The following EP300 variants were observed in gnomAD, a reference collection of about 807,000 sequenced individuals.
EP300 encodes the protein EP300 lysine acetyltransferase.
In EP300, 31 loss-of-function variants were observed where a neutral mutation model predicts 264.0. That is an observed-to-expected ratio of 0.12 (90% CI 0.09 to 0.16). The LOEUF is 0.16. EP300 is among the 10% of genes least tolerant of loss of function. The pLI is 1.00. For missense variants in EP300, 2,766 were observed against 3,052.9 expected (o/e 0.91, Z 2.21); for synonymous variants, 1,340 against 1,045.4 (o/e 1.28, Z -5.44).
At chr22:41,108,175 T>C (rs2058768436) in intron 1 of EP300, 1 of 152,138 alleles carries the variant, frequency 6.6e-6, no homozygotes, top group South Asian at 2.1e-4. Context: ...GTTGTTTAAA[T>C]TGTTAAATTT....
intron 1 of EP300, among the ~76,000 whole-genome samples, chr22:41,110,959 CTTT>C (rs57411594): frequency 2.2e-5 from 3 of 139,238 alleles, no homozygotes; most frequent in Non-Finnish European, 1.6e-5. Context: ...TGTTATAAAT[CTTT>C]TTTTTTTTTT....
intron 20 of EP300, among the ~76,000 whole-genome samples, chr22:41,161,342 G>A (rs913605469): frequency 6.6e-6 from 1 of 152,224 alleles, no homozygotes; most frequent in Non-Finnish European, 1.5e-5. Context: ...CTCTGGCCAG[G>A]CGTGGTGGCT....
rs759784538 is a variant in EP300, at chr22:41,131,465, A to G, written c.1360A>G (p.Ser454Gly). 2 of 1,614,118 alleles carry G rather than the reference A, an allele frequency of 1.2e-6. No individual in the cohort carries two copies. Among genetic ancestry groups the G allele is most frequent in the Non-Finnish European group, 1.7e-6 (2 of 1,180,012 alleles). Residue 454 changes from serine (S) to glycine (G), a missense_variant, in exon 6 of 31, where the codon AGC becomes GGC. Coordinates refer to ENST00000263253, the MANE Select transcript of EP300 (RefSeq NM_001429.4). ...GGGTCAACAGTCTGCCCCCAACCTA[A>G]GCACTGTTAGTCAGATTGATCCCAG... Reference protein sequence around the residue: ...GVGQQSAPNLSTVSQIDPSSI... With the variant: ...GVGQQSAPNLGTVSQIDPSSI...
In EP300 at chr22:41,158,676, A is replaced by G. The variant is rs182398748; in HGVS notation, c.3590+176A>G. The G allele has an allele frequency of 3.5e-4, 216 of 617,100 alleles. No individual in the cohort carries two copies. In the African/African-American group the frequency reaches 3.6e-3, roughly 10 times the overall value. The allele number at this position is 617,100 out of a possible 1,614,324, so 38.2% of individuals were successfully genotyped here. On this transcript the variant is annotated intron_variant, in intron 19 of 30. Coordinates refer to ENST00000263253, the MANE Select transcript of EP300 (RefSeq NM_001429.4). ...TGTTTGCAGAACAATAAAATTTTCT[A>G]TCAGAGTAGCCTTGCATCAGTTACC... is the stretch of plus-strand genomic sequence containing the variant.
intron 10 of EP300, among the ~76,000 whole-genome samples, chr22:41,141,507 A>G (rs1370692875): frequency 6.6e-6 from 1 of 152,202 alleles, no homozygotes; most frequent in Non-Finnish European, 1.5e-5. Context: ...AATAGCCTAC[A>G]TACAGATGTT....
chr22:41,160,180 A>AT (rs749441628), intron 19 of EP300: 3 of 180,234 alleles, frequency 1.7e-5, no homozygotes, highest in African/African-American at 2.4e-5. Context: ...AATTGCTGAA[A>AT]TGAAAGGATA....
chr22:41,158,019 T>C (rs2059087123), intron 18 of EP300, among the ~76,000 whole-genome samples: 1 of 152,262 alleles, frequency 6.6e-6, no homozygotes. Context: ...ATGTGCTGGC[T>C]TTCCTGTACA....
At chr22:41,148,914 A>G in intron 12 of EP300, 124 bp from the exon 13 acceptor site, 2 of 1,308,312 alleles carry the variant, frequency 1.5e-6, no homozygotes, top group Admixed American at 2.0e-5. Flanking sequence ...CTCTTCACCT[A>G]TACTCCTGTC....
intron 2 of EP300, among the ~76,000 whole-genome samples, chr22:41,120,104 T>C (rs1427362913): frequency 6.6e-6 from 1 of 152,226 alleles, no homozygotes; most frequent in Non-Finnish European, 1.5e-5. Context: ...AGGCCTATTT[T>C]CTTATTTTAA....
At chr22:41,172,428 A>G (rs1041060621) in intron 27 of EP300, 71 bp from the exon 28 acceptor site, 4 of 1,343,044 alleles carry the variant, frequency 3.0e-6, no homozygotes, top group African/African-American at 1.4e-5. Context: ...CTTGTCAGCC[A>G]TGATTATTCT....
chr22:41,176,536 C>A lies in EP300; in HGVS notation c.5061+8C>A, dbSNP rs769948177. 2 of 1,613,538 alleles carry A rather than the reference C, an allele frequency of 1.2e-6. No homozygotes were observed. The highest frequency in any genetic ancestry group is 1.7e-6 in the Non-Finnish European group (2 of 1,179,972). ...CACTGTACTGTCTGTGAGGTAGGCA[C>A]CGGGTTGTGGGAAGGAGGAGGTGAG... On this transcript the variant is annotated splice_region_variant and intron_variant, in intron 30 of 30. Coordinates refer to ENST00000263253, the MANE Select transcript of EP300 (RefSeq NM_001429.4).
chr22:41,122,070 T>G (rs2058855068), intron 2 of EP300, among the ~76,000 whole-genome samples: 1 of 152,162 alleles, frequency 6.6e-6, no homozygotes, highest in African/African-American at 2.4e-5. Context: ...TGGACTTGAT[T>G]TAAACCTGTT....
intron 3 of EP300, 151 bp from the exon 4 acceptor site, chr22:41,127,336 C>A: frequency 1.1e-6 from 1 of 922,582 alleles, no homozygotes; most frequent in Non-Finnish European, 1.7e-6. Context: ...AAGGTAGGAG[C>A]CATGGTTTAT....
At chr22:41,156,712 GAC>G (rs2059079375) in intron 17 of EP300, among the ~76,000 whole-genome samples, 1 of 152,130 alleles carries the variant, frequency 6.6e-6, no homozygotes, top group African/African-American at 2.4e-5. Flanking sequence ...GCAACATGTT[GAC>G]AGAGACTCCA....
At chr22:41,117,100 A>G in intron 1 of EP300, 87 bp from the exon 2 acceptor site, 1 of 1,160,336 alleles carries the variant, frequency 8.6e-7, no homozygotes, top group Non-Finnish European at 1.3e-6. Flanking sequence ...GGGAAATGAC[A>G]TTTAATGCTT....
chr22:41,173,506 A>G (rs758346456), intron 28 of EP300, 117 bp from the exon 29 acceptor site: 3 of 1,086,176 alleles, frequency 2.8e-6, no homozygotes, highest in Non-Finnish European at 4.0e-6. Context: ...AGCTAGTAAA[A>G]TAAGTTACAG....
chr22:41,160,361 T>G (rs1204777668), intron 19 of EP300: 8 of 415,126 alleles, frequency 1.9e-5, no homozygotes, highest in African/African-American at 1.6e-4. Flanking sequence ...TTTCTTCGTT[T>G]GTTTTGTGTT....
chr22:41,149,835 C>T lies in EP300; in HGVS notation c.2454C>T (p.His818=), dbSNP rs2145737180. 2 of 1,614,148 alleles carry T rather than the reference C, an allele frequency of 1.2e-6. No individual in the cohort carries two copies. The highest frequency in any genetic ancestry group is 1.7e-6 in the Non-Finnish European group (2 of 1,180,012). ...CAGGGTCTCAGGGGAGCCACATTCA[C>T]TGTCCCCAGCTTCCTCAACCAGCTC... is the stretch of plus-strand genomic sequence containing the variant. The part of the protein sequence containing the change: ...MPPGSQGSHI[H]CPQLPQPALH... The change falls in exon 14 of 31, where the codon CAC becomes CAT. Residue 818 remains histidine (H), a synonymous_variant. Transcript: ENST00000263253.
At chr22:41,116,857 G>A (rs2058824485) in intron 1 of EP300, among the ~76,000 whole-genome samples, 1 of 152,080 alleles carries the variant, frequency 6.6e-6, no homozygotes, top group Non-Finnish European at 1.5e-5. Flanking sequence ...GCTCAGGAGT[G>A]TAAGACCAGC....
Sources: allele counts gnomAD v4.1 joint callset (sites outside exome capture counted in the v4.1 genomes callset), GRCh38; gene constraint gnomAD v4.1.1; transcripts MANE v1.5; gene names NCBI Gene and HGNC (gene_info 2026-07-23, HGNC 2026-07-21).